The following PPFIA1 variants were observed in gnomAD, a reference collection of about 807,000 sequenced individuals.
PPFIA1 encodes liprin-alpha-1.
In PPFIA1, 25 loss-of-function variants were observed where a neutral mutation model predicts 149.9. The ratio of observed to expected loss-of-function variants is 0.17; its 90% CI spans 0.12 to 0.23. The LOEUF is 0.23. PPFIA1 is among the 10% of genes least tolerant of loss of function. The pLI, the probability that PPFIA1 is intolerant of heterozygous loss-of-function variation, is 1.00. For missense variants in PPFIA1, 1,362 were observed against 1,506.5 expected (o/e 0.90, Z 1.59); for synonymous variants, 549 against 552.8 (o/e 0.99, Z 0.10).
intron 17 of PPFIA1, among the ~76,000 whole-genome samples, chr11:70,355,029 C>T (rs571621080): frequency 1.4e-4 from 22 of 152,062 alleles, no homozygotes; most frequent in Non-Finnish European, 2.2e-4. Flanking sequence ...CTTCACCTCC[C>T]GAGTAGCTGG....
At chr11:70,291,931 A>G (rs1331303880) in intron 2 of PPFIA1, among the ~76,000 whole-genome samples, 1 of 140,508 alleles carries the variant, frequency 7.1e-6, no homozygotes, top group Non-Finnish European at 1.5e-5. Context: ...TCCGCCTCCC[A>G]TGTTCAAGCG....
chr11:70,272,022 T>C, intron 1 of PPFIA1, 151 bp from the exon 2 acceptor site: 2 of 881,358 alleles, frequency 2.3e-6, no homozygotes, highest in South Asian at 3.3e-5. Context: ...GCCCTGTGTA[T>C]GTTTTCCCAG....
chr11:70,332,735 C>T (rs2054741311), intron 9 of PPFIA1, among the ~76,000 whole-genome samples: 1 of 152,200 alleles, frequency 6.6e-6, no homozygotes, highest in Admixed American at 6.5e-5. Context: ...GGCACAAACC[C>T]AGCCTCTGGG....
intron 17 of PPFIA1, among the ~76,000 whole-genome samples, chr11:70,355,103 C>G (rs1262976102): frequency 1.3e-5 from 2 of 152,090 alleles, no homozygotes; most frequent in Non-Finnish European, 2.9e-5. Flanking sequence ...TGGGGTTTCA[C>G]CATGCTGGCC....
chr11:70,315,343 C>T (rs2053543275), intron 2 of PPFIA1, among the ~76,000 whole-genome samples: 1 of 152,106 alleles, frequency 6.6e-6, no homozygotes, highest in African/African-American at 2.4e-5. Context: ...CTAGTGTCCT[C>T]CTGTCCCCCT....
At chr11:70,290,456 A>G (rs1226042292) in intron 2 of PPFIA1, among the ~76,000 whole-genome samples, 1 of 152,248 alleles carries the variant, frequency 6.6e-6, no homozygotes, top group Non-Finnish European at 1.5e-5. Flanking sequence ...GAAATGAAGC[A>G]TAGCTAAGGC....
intron 9 of PPFIA1, among the ~76,000 whole-genome samples, chr11:70,332,544 T>G (rs1020785033): frequency 6.6e-6 from 1 of 152,182 alleles, no homozygotes; most frequent in Admixed American, 6.5e-5. Context: ...ATATTTATTA[T>G]TTTGAAATTA....
chr11:70,372,066 G>A (rs1229052400), intron 21 of PPFIA1, 149 bp from the exon 22 acceptor site: 1 of 626,338 alleles, frequency 1.6e-6, no homozygotes, highest in Non-Finnish European at 2.5e-6. Context: ...TAAAAGGTGA[G>A]AAGAGATCAA....
chr11:70,337,571 G>T (rs2055060810), intron 12 of PPFIA1, 144 bp downstream of exon 12: 2 of 540,948 alleles, frequency 3.7e-6, no homozygotes, highest in East Asian at 3.4e-5. Context: ...GCACTCTCAG[G>T]CTTGTATGTT....
chr11:70,302,978 T>C (rs2052587739), intron 2 of PPFIA1, among the ~76,000 whole-genome samples: 1 of 152,064 alleles, frequency 6.6e-6, no homozygotes, highest in Non-Finnish European at 1.5e-5. Context: ...GAGATACCTG[T>C]TTATTAAATT....
chr11:70,288,079 T>C (rs1442681649), intron 2 of PPFIA1, among the ~76,000 whole-genome samples: 1 of 151,554 alleles, frequency 6.6e-6, no homozygotes, highest in East Asian at 1.9e-4. Context: ...CTTTTTTTTT[T>C]TTTTTTCTTT....
chr11:70,293,942 C>CTTT lies in PPFIA1; in HGVS notation c.264+21521_264+21523dup, dbSNP rs35307008. Among the ~76,000 whole-genome samples, 296 of 128,122 alleles carry CTTT rather than the reference C, an allele frequency of 2.3e-3. 6 individuals carry two copies. The highest frequency in any genetic ancestry group is 8.1e-3 in the African/African-American group (269 of 33,050). The allele number at this position is 128,122 out of a possible 152,430, so 84.1% of individuals were successfully genotyped here. On this transcript the variant is annotated intron_variant, in intron 2 of 27. Coordinates refer to ENST00000253925, the MANE Select transcript of PPFIA1 (RefSeq NM_003626.5). ...TTCCTGCACAGTTCTCTCTCTCTCT[C>CTTT]TTTTTTTTTTTTTTTTTGACAGGGT... is the stretch of plus-strand genomic sequence containing the variant.
intron 16 of PPFIA1, chr11:70,354,075 C>G: frequency 2.1e-6 from 1 of 487,436 alleles, no homozygotes. Context: ...ATACCTGTGT[C>G]CTGTTGGGCC....
chr11:70,279,038 C>G (rs1337552160), intron 2 of PPFIA1: 1 of 531,432 alleles, frequency 1.9e-6, no homozygotes, highest in Non-Finnish European at 3.6e-6. Flanking sequence ...TGGCAAGTTG[C>G]AAGTAATGAG....
intron 2 of PPFIA1, among the ~76,000 whole-genome samples, chr11:70,278,122 G>C (rs2050526421): frequency 6.6e-6 from 1 of 151,904 alleles, no homozygotes; most frequent in Non-Finnish European, 1.5e-5. Context: ...TGTTGGCCAG[G>C]ATGGTCTCTA....
rs542435719 is a variant in PPFIA1 at position 70,314,512 on chromosome 11, CA to C, written c.265-9881del. Among the ~76,000 whole-genome samples the C allele has an allele frequency of 2.9e-3, 432 of 151,360 alleles. 1 individual carries two copies. The highest frequency in any genetic ancestry group is 9.9e-3 in the African/African-American group (407 of 41,314). Reference sequence around the variant, plus strand: ...AGCAATACAGACTTAAAAATTAAAACAAAAAAAAATTATCTTACTTCCAACT... The same window carrying C: ...AGCAATACAGACTTAAAAATTAAAACAAAAAAAATTATCTTACTTCCAACT... On this transcript the variant is annotated intron_variant, in intron 2 of 27. Coordinates refer to ENST00000253925, the MANE Select transcript of PPFIA1 (RefSeq NM_003626.5).
intron 2 of PPFIA1, among the ~76,000 whole-genome samples, chr11:70,298,334 A>G (rs971950588): frequency 2.0e-5 from 3 of 152,212 alleles, no homozygotes; most frequent in Admixed American, 6.5e-5. Flanking sequence ...AAGGTTTTAC[A>G]TCGGAAAGAA....
chr11:70,326,711 T>C lies in PPFIA1; in HGVS notation c.823T>C (p.Ser275Pro). The C allele has an allele frequency of 6.2e-7, 1 of 1,614,086 alleles. No individual in the cohort carries two copies. The highest frequency in any genetic ancestry group is 8.5e-7 in the Non-Finnish European group (1 of 1,179,992). The part of the protein sequence containing the change: ...EQSQMKERLA[S>P]LSSHVTELEE... ...GAGCCAAATGAAAGAACGCCTGGCT[T>C]CCCTTTCCAGTCATGTGACAGAACT... The change falls in exon 7 of 28, where the codon TCC becomes CCC. Residue 275 changes from serine (S) to proline (P), a missense_variant. Transcript: ENST00000253925.
chr11:70,371,026 G>C (rs1046783006), intron 21 of PPFIA1, among the ~76,000 whole-genome samples: 1 of 152,014 alleles, frequency 6.6e-6, no homozygotes, highest in Non-Finnish European at 1.5e-5. Flanking sequence ...CCAGATACTC[G>C]GGAGGCTGAG....
Sources: gnomAD v4.1 joint callset for allele counts (sites outside exome capture counted in the v4.1 genomes callset) on GRCh38, gnomAD v4.1.1 for gene constraint, MANE v1.5 for transcripts, NCBI Gene and HGNC (gene_info 2026-07-23, HGNC 2026-07-21) for gene names.